PRKN: variants seen among roughly 807,000 people sequenced by gnomAD.
The protein encoded by PRKN is parkin RBR E3 ubiquitin protein ligase.
PRKN carries 56 observed loss-of-function variants against 59.5 expected under a neutral mutation model. That is an observed-to-expected ratio of 0.94 (90% CI 0.76 to 1.18). The LOEUF is 1.18. Among genes scored for constraint, PRKN ranks in the 50% most tolerant of loss-of-function variants. The pLI is 0.00. For missense variants in PRKN, 657 were observed against 596.4 expected (o/e 1.10, Z -1.06); for synonymous variants, 250 against 222.1 (o/e 1.13, Z -1.12).
chr6:161,591,797 T>A (rs1781735212), intron 7 of PRKN, among the ~76,000 whole-genome samples: 1 of 152,208 alleles, frequency 6.6e-6, no homozygotes, highest in Non-Finnish European at 1.5e-5. Context: ...GATATTCTAA[T>A]GGAGAACAAG....
rs534864850 is a variant in PRKN, at chr6:162,355,388, A to AATCTATCTATCTATCTATCTATCT, written c.171+87921_171+87922insAGATAGATAGATAGATAGATAGAT. Among the ~76,000 whole-genome samples, 1,225 of 151,464 alleles carry AATCTATCTATCTATCTATCTATCT rather than the reference A, an allele frequency of 8.1e-3. 18 individuals are homozygous for AATCTATCTATCTATCTATCTATCT. Among genetic ancestry groups the AATCTATCTATCTATCTATCTATCT allele is most frequent in the African/African-American group, 0.029 (1,174 of 41,150 alleles). On this transcript the variant is annotated intron_variant, in intron 2 of 11. Transcript: ENST00000366898. ...GAACTTAAATTTTAACACCATCTGT[A>AATCTATCTATCTATCTATCTATCT]ATCTATCTATCTATCTATCTATATA...
At position 161,744,969 on chromosome 6, in the gene PRKN, C is replaced by T. The variant is rs150405520; in HGVS notation, c.871+40803G>A. Among the ~76,000 whole-genome samples, 325 of 152,242 alleles carry T rather than the reference C, an allele frequency of 2.1e-3. 3 individuals are homozygous for T. The highest frequency in any genetic ancestry group is 7.6e-3 in the African/African-American group (315 of 41,554). On this transcript the variant is annotated intron_variant, in intron 7 of 11. Transcript: ENST00000366898. ...TAAAAGGTCAATATTAGCGTTATGT[C>T]CACTTGGTAGATGAGAAAGCAGAGG... is the stretch of plus-strand genomic sequence containing the variant.
intron 6 of PRKN, among the ~76,000 whole-genome samples, chr6:161,862,286 C>T (rs963743209): frequency 1.3e-5 from 2 of 152,180 alleles, no homozygotes; most frequent in African/African-American, 4.8e-5. Context: ...CACAAGTCTC[C>T]TAGCCTTTTT....
intron 1 of PRKN, among the ~76,000 whole-genome samples, chr6:162,642,720 A>G (rs1490620005): frequency 6.6e-6 from 1 of 151,870 alleles, no homozygotes; most frequent in East Asian, 1.9e-4. Context: ...ATATCATAGA[A>G]AAGTTATATA....
At chr6:162,598,109 G>T (rs1262470831) in intron 1 of PRKN, among the ~76,000 whole-genome samples, 1 of 152,110 alleles carries the variant, frequency 6.6e-6, no homozygotes, top group African/African-American at 2.4e-5. Flanking sequence ...CATCTGTGTT[G>T]CCAAAGGAAG....
At chr6:162,467,717 T>C (rs902536828) in intron 1 of PRKN, among the ~76,000 whole-genome samples, 16 of 151,378 alleles carry the variant, frequency 1.1e-4, no homozygotes, top group Non-Finnish European at 2.2e-4. Flanking sequence ...AATGGCCTTC[T>C]ATTGTTCACA....
intron 6 of PRKN, among the ~76,000 whole-genome samples, chr6:161,807,801 C>G (rs1791398730): frequency 6.6e-6 from 1 of 152,170 alleles, no homozygotes; most frequent in Non-Finnish European, 1.5e-5. Context: ...CCAGTAAAAC[C>G]TCATCTTAAC....
chr6:162,234,013 A>G (rs760052334), intron 3 of PRKN, among the ~76,000 whole-genome samples: 1 of 152,230 alleles, frequency 6.6e-6, no homozygotes, highest in Non-Finnish European at 1.5e-5. Flanking sequence ...ACTAAGACAT[A>G]TACTGAAGAG....
chr6:162,164,222 A>T (rs1315184860), intron 4 of PRKN, among the ~76,000 whole-genome samples: 2 of 148,818 alleles, frequency 1.3e-5, no homozygotes, highest in Admixed American at 1.3e-4. Context: ...CAACCTGTGT[A>T]TTTGTTTATT....
chr6:162,059,997 A>G (rs1778030899), intron 4 of PRKN, among the ~76,000 whole-genome samples: 1 of 152,230 alleles, frequency 6.6e-6, no homozygotes, highest in African/African-American at 2.4e-5. Context: ...CACATAAAGC[A>G]TGGTTGCTTG....
chr6:162,217,407 G>A (rs927418710), intron 3 of PRKN, among the ~76,000 whole-genome samples: 2 of 152,124 alleles, frequency 1.3e-5, no homozygotes, highest in African/African-American at 4.8e-5. Flanking sequence ...TTGAGACACA[G>A]TCTCCCTCTG....
chr6:161,698,020 T>A (rs1403570011), intron 7 of PRKN, among the ~76,000 whole-genome samples: 1 of 152,108 alleles, frequency 6.6e-6, no homozygotes, highest in African/African-American at 2.4e-5. Context: ...AACACTTTAG[T>A]AAAGAAACAT....
At chr6:162,242,256 T>C (rs1031779417) in intron 3 of PRKN, among the ~76,000 whole-genome samples, 3 of 152,096 alleles carry the variant, frequency 2.0e-5, no homozygotes, top group African/African-American at 7.2e-5. Flanking sequence ...ATTCTAAGTA[T>C]AGAATCCAGG....
intron 1 of PRKN, among the ~76,000 whole-genome samples, chr6:162,617,233 GATTAAT>G (rs1417783220): frequency 1.2e-4 from 18 of 151,918 alleles, no homozygotes; most frequent in African/African-American, 4.1e-4. Flanking sequence ...AATACATTAT[GATTAAT>G]ATTATTTTTT....
chr6:161,955,606 T>C (rs1780142269), intron 6 of PRKN, among the ~76,000 whole-genome samples: 1 of 152,222 alleles, frequency 6.6e-6, no homozygotes, highest in Non-Finnish European at 1.5e-5. Flanking sequence ...ATCCCTGCAC[T>C]TTGGGAGACC....
At chr6:162,088,591 T>C (rs1779351134) in intron 4 of PRKN, among the ~76,000 whole-genome samples, 1 of 152,128 alleles carries the variant, frequency 6.6e-6, no homozygotes, top group Non-Finnish European at 1.5e-5. Context: ...TGGTAAAAGA[T>C]AAGATTATAC....
At chr6:162,212,650 GT>G (rs1785255379) in intron 3 of PRKN, among the ~76,000 whole-genome samples, 1 of 152,168 alleles carries the variant, frequency 6.6e-6, no homozygotes, top group Non-Finnish European at 1.5e-5. Flanking sequence ...GTCAGGCATT[GT>G]TTAACAACAG....
At chr6:162,114,024 T>C (rs1271477146) in intron 4 of PRKN, among the ~76,000 whole-genome samples, 2 of 151,692 alleles carry the variant, frequency 1.3e-5, no homozygotes, top group Admixed American at 6.6e-5. Context: ...CAGATAGTTG[T>C]AGATATGTGG....
At chr6:162,160,890 C>CAAAAAAAAA (rs56320816) in intron 4 of PRKN, among the ~76,000 whole-genome samples, 13 of 80,278 alleles carry the variant, frequency 1.6e-4, no homozygotes, top group African/African-American at 6.4e-4. Context: ...GACTCCGTCT[C>CAAAAAAAAA]AAAAAAAAAA....
Sources: gnomAD v4.1 joint callset for allele counts (sites outside exome capture counted in the v4.1 genomes callset) on GRCh38, gnomAD v4.1.1 for gene constraint, MANE v1.5 for transcripts, NCBI Gene and HGNC (gene_info 2026-07-23, HGNC 2026-07-21) for gene names.